Variants in MARCHF11 observed in about 807,000 individuals in gnomAD.
The protein encoded by MARCHF11 is membrane associated ring-CH-type finger 11, also known as E3 ubiquitin-protein ligase MARCHF11.
MARCHF11 carries 29 observed loss-of-function variants against 37.3 expected under a neutral mutation model. The ratio of observed to expected loss-of-function variants is 0.78; its 90% CI spans 0.58 to 1.06. The LOEUF is 1.06. Ranked by LOEUF, MARCHF11 falls within the 50% of genes least tolerant of loss-of-function variation. The pLI is 0.00. For missense variants in MARCHF11, 482 were observed against 533.4 expected, an observed-to-expected ratio of 0.90 and a Z score of 0.95; for synonymous variants, 233 against 228.0, an observed-to-expected ratio of 1.02 and a Z score of -0.20.
intron 3 of MARCHF11, among the ~76,000 whole-genome samples, chr5:16,079,953 C>A (rs1736579864): frequency 6.6e-6 from 1 of 152,138 alleles, no homozygotes; most frequent in African/African-American, 2.4e-5. Context: ...CCCTTCCCAT[C>A]TCTGGATTTT....
At chr5:16,073,275 G>A (rs1262511119) in intron 3 of MARCHF11, among the ~76,000 whole-genome samples, 2 of 152,138 alleles carry the variant, frequency 1.3e-5, no homozygotes, top group South Asian at 2.1e-4. Flanking sequence ...TTAATCAAAC[G>A]AGACTGTGGC....
At chr5:16,145,725 C>A (rs1010779381) in intron 2 of MARCHF11, among the ~76,000 whole-genome samples, 5 of 148,822 alleles carry the variant, frequency 3.4e-5, no homozygotes, top group African/African-American at 1.2e-4. Flanking sequence ...TTTCTCATTC[C>A]AGTACAAGAT....
Position 16,168,782 on chromosome 5 carries a change from G to C in MARCHF11, c.693+8944C>G, listed in dbSNP as rs567160538. The stretch of plus-strand genomic sequence containing the variant: ...AAAGAGATGGAAGAAGGATAAGACA[G>C]ATATTTACTGAATGCTCAATACAGG... On this transcript the variant is annotated intron_variant, in intron 2 of 3. Transcript: ENST00000332432. Among the ~76,000 whole-genome samples, 5 of 152,178 alleles carry C rather than the reference G, an allele frequency of 3.3e-5. No homozygotes were observed. In the South Asian group the frequency reaches 1.0e-3, roughly 32 times the overall value.
intron 2 of MARCHF11, among the ~76,000 whole-genome samples, chr5:16,146,928 C>T (rs1185740329): frequency 1.3e-5 from 2 of 151,988 alleles, no homozygotes; most frequent in Non-Finnish European, 2.9e-5. Context: ...ATTAGCTATC[C>T]TGTGCTAAAA....
chr5:16,149,892 T>C (rs1289628171), intron 2 of MARCHF11, among the ~76,000 whole-genome samples: 3 of 151,936 alleles, frequency 2.0e-5, no homozygotes, highest in Non-Finnish European at 4.4e-5. Flanking sequence ...ACCATGCAGA[T>C]GAATCTCCCA....
In MARCHF11 at chr5:16,145,680, G is replaced by T. The variant is rs1209958357; in HGVS notation, c.693+32046C>A. On this transcript the variant is annotated intron_variant, in intron 2 of 3. Transcript: ENST00000332432. Reference sequence around the variant, plus strand: ...ACCAGTCTCAATAATGATAGAAGTGGATTCTGGAAAAATATAAATAAACAA... The same window carrying T: ...ACCAGTCTCAATAATGATAGAAGTGTATTCTGGAAAAATATAAATAAACAA... Among the ~76,000 whole-genome samples, 9 of 152,028 alleles carry T rather than the reference G, an allele frequency of 5.9e-5. No individual in the cohort carries two copies. The East Asian group carries it at 1.2e-3, about 20-fold the overall frequency.
intron 2 of MARCHF11, among the ~76,000 whole-genome samples, chr5:16,107,209 G>T (rs1221012360): frequency 6.6e-6 from 1 of 152,212 alleles, no homozygotes; most frequent in Admixed American, 6.5e-5. Flanking sequence ...TAGGACCAGG[G>T]CTTATCTGAT....
chr5:16,083,655 A>G (rs1426503529), intron 3 of MARCHF11, among the ~76,000 whole-genome samples: 1 of 152,198 alleles, frequency 6.6e-6, no homozygotes, highest in Admixed American at 6.5e-5. Context: ...ACCTAAAATA[A>G]TTTAAGAAAT....
chr5:16,176,800 G>A (rs976805029), intron 2 of MARCHF11, among the ~76,000 whole-genome samples: 1 of 152,056 alleles, frequency 6.6e-6, no homozygotes, highest in Non-Finnish European at 1.5e-5. Context: ...CAAGGAACAC[G>A]AGAATTTATT....
chr5:16,150,379 C>A (rs1456798528), intron 2 of MARCHF11, among the ~76,000 whole-genome samples: 1 of 149,134 alleles, frequency 6.7e-6, no homozygotes, highest in African/African-American at 2.6e-5. Context: ...TCCTGCCTAC[C>A]TAAATCCAAA....
At chr5:16,124,575 C>A (rs559186333) in intron 2 of MARCHF11, among the ~76,000 whole-genome samples, 94 of 152,150 alleles carry the variant, frequency 6.2e-4, no homozygotes, top group Admixed American at 1.2e-3. Context: ...AGACAGCCAC[C>A]AATGAAGTTT....
At chr5:16,111,511 G>C (rs1420099354) in intron 2 of MARCHF11, among the ~76,000 whole-genome samples, 1 of 152,146 alleles carries the variant, frequency 6.6e-6, no homozygotes, top group African/African-American at 2.4e-5. Context: ...GGTATCTGGA[G>C]GAAGAAATTT....
At chr5:16,101,039 C>T (rs1736946057) in intron 2 of MARCHF11, among the ~76,000 whole-genome samples, 1 of 151,000 alleles carries the variant, frequency 6.6e-6, no homozygotes, top group Non-Finnish European at 1.5e-5. Context: ...ACAGAGTCCA[C>T]AGAAGAAATA....
rs1738430877 is a variant in MARCHF11, at chr5:16,179,438, C to T, written c.138G>A (p.Pro46=). The T allele has an allele frequency of 9.0e-7, 1 of 1,112,680 alleles. No homozygotes were observed. Among genetic ancestry groups the T allele is most frequent in the African/African-American group, 1.7e-5 (1 of 59,908 alleles). 68.9% of individuals were successfully genotyped at this position (1,112,680 alleles called of 1,614,324 possible). ...ACGCGGGCAGCGGCGGCAGGTAGCG[C>T]GGGGCCGCGGGGACCGGGGCCGGCT... ...PGEPAPVPAA[P]RYLPPLPASP... is the part of the protein sequence containing the mutation. The change falls in exon 1 of 4, where the codon CCG becomes CCA. Residue 46 remains proline, a synonymous_variant. Transcript: ENST00000332432.
intron 2 of MARCHF11, among the ~76,000 whole-genome samples, chr5:16,166,606 T>C (rs1396041264): frequency 6.6e-6 from 1 of 152,036 alleles, no homozygotes; most frequent in Admixed American, 6.6e-5. Flanking sequence ...CATTTATATA[T>C]ATTTCATAGA....
chr5:16,095,673 G>A (rs1012462584), intron 2 of MARCHF11, among the ~76,000 whole-genome samples: 1 of 152,144 alleles, frequency 6.6e-6, no homozygotes, highest in Non-Finnish European at 1.5e-5. Context: ...GCCACCTCTT[G>A]TAAAGAGCCA....
chr5:16,114,277 C>G (rs554060267), intron 2 of MARCHF11, among the ~76,000 whole-genome samples: 24 of 152,192 alleles, frequency 1.6e-4, no homozygotes, highest in Non-Finnish European at 2.6e-4. Flanking sequence ...TATTTTATAT[C>G]GAGAGTATTT....
Position 16,076,880 on chromosome 5 carries a change from C to A in MARCHF11, c.887-9087G>T, listed in dbSNP as rs540762521. Among the ~76,000 whole-genome samples, 3 of 152,218 alleles carry A rather than the reference C, an allele frequency of 2.0e-5. No homozygotes were observed. The East Asian group carries it at 5.8e-4, about 29-fold the overall frequency. On this transcript the variant is annotated intron_variant, in intron 3 of 3. Coordinates refer to ENST00000332432, the MANE Select transcript of MARCHF11 (RefSeq NM_001102562.3). ...TCATCACCGGTGTCTCCTCAGCCTG[C>A]GAAATGGCCAGTGGCCAGAAGGGAT...
At position 16,116,579 on chromosome 5, in the gene MARCHF11, T is replaced by A. The variant is rs1374670641; in HGVS notation, c.694-25498A>T. On this transcript the variant is annotated intron_variant, in intron 2 of 3. Coordinates refer to ENST00000332432, the MANE Select transcript of MARCHF11 (RefSeq NM_001102562.3). ...TGCTATTGGTTTCACTCTGTCTACT[T>A]TGACAGAGTAAAAAGATGCCATAGT... Among the ~76,000 whole-genome samples the A allele has an allele frequency of 2.0e-5, 3 of 152,254 alleles. No individual in the cohort carries two copies. The East Asian group carries it at 5.8e-4, about 29-fold the overall frequency.
Sources: gnomAD v4.1 joint callset for allele counts (sites outside exome capture counted in the v4.1 genomes callset) on GRCh38, gnomAD v4.1.1 for gene constraint, MANE v1.5 for transcripts, NCBI Gene and HGNC (gene_info 2026-07-23, HGNC 2026-07-21) for gene names.